Variants in AGBL4 observed in about 807,000 individuals in gnomAD.
The protein encoded by AGBL4 is cytosolic carboxypeptidase 6.
In AGBL4, 58 loss-of-function variants were observed where a neutral mutation model predicts 66.4. That is an observed-to-expected ratio of 0.87 (90% confidence interval 0.71 to 1.09). The LOEUF (loss-of-function observed/expected upper bound fraction) is 1.09, where lower values mean the gene tolerates loss of function less well. Ranked by LOEUF, AGBL4 falls within the 50% of genes least tolerant of loss-of-function variation. The pLI is 0.00. For missense variants in AGBL4, 579 were observed against 631.0 expected, an observed-to-expected ratio of 0.92 and a Z score of 0.88; for synonymous variants, 234 against 222.9, an observed-to-expected ratio of 1.05 and a Z score of -0.44.
chr1:48,631,053 A>T (rs1645585252), intron 9 of AGBL4, among the ~76,000 whole-genome samples: 1 of 152,136 alleles, frequency 6.6e-6, no homozygotes, highest in Non-Finnish European at 1.5e-5. Flanking sequence ...GGCCTGAAGG[A>T]ATGACAGTTG....
At chr1:48,795,346 T>G (rs892117655) in intron 6 of AGBL4, among the ~76,000 whole-genome samples, 1 of 152,208 alleles carries the variant, frequency 6.6e-6, no homozygotes, top group Non-Finnish European at 1.5e-5. Flanking sequence ...TTATTCTCTT[T>G]GCTTCAGTCA....
intron 1 of AGBL4, among the ~76,000 whole-genome samples, chr1:49,999,735 G>A (rs1660614600): frequency 6.6e-6 from 1 of 152,090 alleles, no homozygotes; most frequent in Admixed American, 6.6e-5. Context: ...ATACAGACCA[G>A]TGGAACAGAA....
At chr1:49,768,499 C>T (rs1643959107) in intron 2 of AGBL4, among the ~76,000 whole-genome samples, 1 of 152,048 alleles carries the variant, frequency 6.6e-6, no homozygotes, top group African/African-American at 2.4e-5. Flanking sequence ...AAATACTCAA[C>T]AAACTAGACA....
At chr1:49,784,796 T>TA (rs545018884) in intron 2 of AGBL4, among the ~76,000 whole-genome samples, 2 of 151,550 alleles carry the variant, frequency 1.3e-5, no homozygotes, top group South Asian at 2.1e-4. Context: ...AATGACCCAA[T>TA]AAAAAATAAA....
intron 4 of AGBL4, among the ~76,000 whole-genome samples, chr1:49,189,404 G>A (rs1647073817): frequency 6.6e-6 from 1 of 152,162 alleles, no homozygotes; most frequent in Non-Finnish European, 1.5e-5. Context: ...CTCTCTGCAT[G>A]ACCTTGGCCA....
intron 6 of AGBL4, among the ~76,000 whole-genome samples, chr1:48,752,084 A>G (rs1415354182): frequency 6.6e-6 from 1 of 152,138 alleles, no homozygotes; most frequent in Admixed American, 6.5e-5. Context: ...CTGCCCCACC[A>G]CTAACTCTAA....
chr1:48,539,687 A>G lies in AGBL4; in HGVS notation c.1319T>C (p.Leu440Pro). 1.3e-6 allele frequency: 2 copies of G among 1,544,464 alleles called. No homozygotes were observed. Among genetic ancestry groups the G allele is most frequent in the East Asian group, 2.5e-5 (1 of 40,574 alleles). Residue 440 changes from leucine to proline, a missense_variant, in exon 12 of 14, where the codon CTG becomes CCG. Coordinates refer to ENST00000371839, the MANE Select transcript of AGBL4 (RefSeq NM_032785.4). ...TGCCACCTTTTCAACCACGGGGTTCAGCCGATAATAGTCCAAAAAGGTTCT... is the reference window on the plus strand; with the variant it reads ...TGCCACCTTTTCAACCACGGGGTTCGGCCGATAATAGTCCAAAAAGGTTCT... ...VARTFLDYYR[L>P]NPVVEKVAIP...
intron 2 of AGBL4, among the ~76,000 whole-genome samples, chr1:49,722,758 TTTCTA>T (rs1229341828): frequency 1.3e-5 from 2 of 152,150 alleles, no homozygotes; most frequent in African/African-American, 4.8e-5. Context: ...ACAGGTAACT[TTTCTA>T]TTCTAACTCT....
chr1:48,534,361 G>C, intron 13 of AGBL4, 68 bp from the exon 14 acceptor site: 1 of 1,485,988 alleles, frequency 6.7e-7, no homozygotes, highest in Non-Finnish European at 9.0e-7. Context: ...AATCATTTGT[G>C]TGCATGTCTA....
chr1:49,902,980 C>T (rs1384385988), intron 1 of AGBL4, among the ~76,000 whole-genome samples: 2 of 152,090 alleles, frequency 1.3e-5, no homozygotes, highest in Non-Finnish European at 2.9e-5. Context: ...ACCATTCAAC[C>T]CAGTAATCCC....
rs1266288775 is a variant in AGBL4, at chr1:49,697,400, C to T, written c.195G>A (p.Glu65=). 5 of 1,538,124 alleles carry T rather than the reference C, an allele frequency of 3.3e-6. No individual in the cohort carries two copies. Among genetic ancestry groups the T allele is most frequent in the Non-Finnish European group, 3.5e-6 (4 of 1,136,312 alleles). Residue 65 remains glutamate (E), a synonymous_variant, in exon 3 of 14, where the codon GAG becomes GAA. Transcript: ENST00000371839. The part of the protein sequence containing the change: ...LGRVDQVSEF[E]YDLFIRPDTC... ...TGTCCGGCCTAATGAACAGATCATA[C>T]TCAAACTCAGAGACCTGGTCCACCC...
At chr1:49,895,952 A>C (rs958365252) in intron 1 of AGBL4, among the ~76,000 whole-genome samples, 2 of 151,798 alleles carry the variant, frequency 1.3e-5, no homozygotes, top group Non-Finnish European at 2.9e-5. Flanking sequence ...AAAAAAAAAA[A>C]AAAAACGAGA....
intron 3 of AGBL4, among the ~76,000 whole-genome samples, chr1:49,628,388 A>G (rs887778323): frequency 1.8e-4 from 28 of 152,294 alleles, no homozygotes; most frequent in African/African-American, 6.7e-4. Context: ...GCCAGAGCAT[A>G]TATGTATGGA....
At chr1:48,709,365 A>T (rs1366627026) in intron 6 of AGBL4, among the ~76,000 whole-genome samples, 1 of 152,218 alleles carries the variant, frequency 6.6e-6, no homozygotes, top group East Asian at 1.9e-4. Flanking sequence ...TTATGTGTAC[A>T]TATCTTGTGA....
intron 2 of AGBL4, among the ~76,000 whole-genome samples, chr1:49,824,774 A>G (rs1645464217): frequency 6.6e-6 from 1 of 152,252 alleles, no homozygotes; most frequent in Non-Finnish European, 1.5e-5. Context: ...GTCTAAAACT[A>G]AGGCAAAGAG....
intron 3 of AGBL4, among the ~76,000 whole-genome samples, chr1:49,471,671 A>G (rs1346659994): frequency 6.6e-6 from 1 of 151,918 alleles, no homozygotes; most frequent in East Asian, 1.9e-4. Flanking sequence ...AAAGCCAACA[A>G]AAATCTGTTC....
intron 3 of AGBL4, among the ~76,000 whole-genome samples, chr1:49,610,222 C>T (rs1239445835): frequency 1.3e-5 from 2 of 152,132 alleles, no homozygotes; most frequent in Non-Finnish European, 2.9e-5. Flanking sequence ...TTTTCAAAGA[C>T]ATAATCTTAT....
At chr1:49,880,501 G>A (rs891534462) in intron 1 of AGBL4, among the ~76,000 whole-genome samples, 6 of 152,098 alleles carry the variant, frequency 3.9e-5, no homozygotes, top group African/African-American at 1.2e-4. Flanking sequence ...CCCACTTGAG[G>A]AGGCAGTCTG....
At chr1:48,937,628 T>C (rs1445942711) in intron 5 of AGBL4, among the ~76,000 whole-genome samples, 6 of 152,218 alleles carry the variant, frequency 3.9e-5, no homozygotes, top group Admixed American at 3.3e-4. Flanking sequence ...TTTTTTTCTT[T>C]TGTAATCAAT....
Sources: allele counts gnomAD v4.1 joint callset (sites outside exome capture counted in the v4.1 genomes callset), GRCh38; gene constraint gnomAD v4.1.1; transcripts MANE v1.5; gene names NCBI Gene and HGNC (gene_info 2026-07-23, HGNC 2026-07-21).